AGBL4: variants seen among roughly 807,000 people sequenced by gnomAD.
AGBL4 encodes AGBL carboxypeptidase 4.
Under a neutral mutation model 66.4 loss-of-function variants are expected in AGBL4, and 58 were observed. The observed-to-expected ratio is 0.87, with a 90% CI of 0.71 to 1.09. AGBL4 has a LOEUF of 1.09. Ranked by LOEUF, AGBL4 falls within the 50% of genes least tolerant of loss-of-function variation. AGBL4 has a pLI of 0.00. For synonymous variants in AGBL4, 234 were observed against 222.9 expected, an observed-to-expected ratio of 1.05 and a Z score of -0.44; for missense variants, 579 against 631.0, an observed-to-expected ratio of 0.92 and a Z score of 0.88.
intron 4 of AGBL4, among the ~76,000 whole-genome samples, chr1:49,220,557 T>G (rs937451079): frequency 3.9e-5 from 6 of 152,124 alleles, no homozygotes; most frequent in African/African-American, 1.4e-4. Context: ...AATATTACTT[T>G]TTCTTCCCTT....
chr1:48,745,435 T>C (rs1336815731), intron 6 of AGBL4, among the ~76,000 whole-genome samples: 1 of 152,170 alleles, frequency 6.6e-6, no homozygotes, highest in African/African-American at 2.4e-5. Context: ...GAGGGACAGC[T>C]AACGGACATC....
intron 3 of AGBL4, among the ~76,000 whole-genome samples, chr1:49,350,436 C>T (rs1444560648): frequency 6.6e-6 from 1 of 152,040 alleles, no homozygotes; most frequent in African/African-American, 2.4e-5. Context: ...ATCTCCTGAC[C>T]TCGTGATCCG....
intron 6 of AGBL4, among the ~76,000 whole-genome samples, chr1:48,857,897 T>C (rs1025954758): frequency 6.6e-6 from 1 of 152,110 alleles, no homozygotes; most frequent in Non-Finnish European, 1.5e-5. Context: ...CACATAAAAA[T>C]GTAAGAAAAT....
intron 2 of AGBL4, among the ~76,000 whole-genome samples, chr1:49,730,084 G>T (rs1199347982): frequency 1.3e-5 from 2 of 152,118 alleles, no homozygotes. Flanking sequence ...TTCCAAACCT[G>T]TAAAAACCCT....
chr1:48,879,481 T>TCGTGAACCCGGGAAGCGG (rs1558061098), intron 5 of AGBL4, among the ~76,000 whole-genome samples: 7 of 152,204 alleles, frequency 4.6e-5, no homozygotes, highest in African/African-American at 1.7e-4. Flanking sequence ...AGACAAGAAT[T>TCGTGAACCCGGGAAGCGG]AGAAAAGTGA....
At chr1:48,833,350 T>C (rs983249920) in intron 6 of AGBL4, among the ~76,000 whole-genome samples, 2 of 152,228 alleles carry the variant, frequency 1.3e-5, no homozygotes, top group Non-Finnish European at 2.9e-5. Context: ...AACTGTGTTC[T>C]AGTGTTTTGT....
intron 3 of AGBL4, among the ~76,000 whole-genome samples, chr1:49,567,217 G>A (rs961706475): frequency 6.6e-6 from 1 of 152,224 alleles, no homozygotes; most frequent in Non-Finnish European, 1.5e-5. Flanking sequence ...TCTTTGACTA[G>A]GAAAGGGAAT....
chr1:49,711,330 T>C (rs1194384346), intron 2 of AGBL4, among the ~76,000 whole-genome samples: 3 of 152,094 alleles, frequency 2.0e-5, no homozygotes, highest in African/African-American at 7.2e-5. Flanking sequence ...AGCTGAAAAC[T>C]GGAAACAACC....
chr1:49,971,080 G>T (rs959935879), intron 1 of AGBL4, among the ~76,000 whole-genome samples: 1 of 152,082 alleles, frequency 6.6e-6, no homozygotes, highest in African/African-American at 2.4e-5. Context: ...TAAAATTTTT[G>T]AACACATTAC....
intron 3 of AGBL4, among the ~76,000 whole-genome samples, chr1:49,545,181 C>T (rs142438936): frequency 2.0e-5 from 3 of 152,090 alleles, no homozygotes; most frequent in African/African-American, 7.2e-5. Context: ...CATTATAATT[C>T]CTATCTTGCT....
intron 4 of AGBL4, among the ~76,000 whole-genome samples, chr1:49,115,367 A>G (rs1215041871): frequency 6.6e-6 from 1 of 152,204 alleles, no homozygotes; most frequent in African/African-American, 2.4e-5. Flanking sequence ...TCTATGGTGT[A>G]GTTTTAGGAA....
intron 6 of AGBL4, among the ~76,000 whole-genome samples, chr1:48,853,780 C>G (rs1251838576): frequency 6.6e-6 from 1 of 152,126 alleles, no homozygotes; most frequent in East Asian, 1.9e-4. Context: ...AATTGCACTG[C>G]TTCAGGTCAC....
rs35739038 is a variant in AGBL4 at position 48,758,025 on chromosome 1, G to A, written c.635-94784C>T. On this transcript the variant is annotated intron_variant, in intron 6 of 13. Transcript: ENST00000371839. Reference sequence around the variant, plus strand: ...TCTCTGGTAAGCAGTCATTTCTTCCGGCAGTCAAAGCTGCTGCCTTTCAGG... The same window carrying A: ...TCTCTGGTAAGCAGTCATTTCTTCCAGCAGTCAAAGCTGCTGCCTTTCAGG... Among the ~76,000 whole-genome samples the A allele has an allele frequency of 2.7e-3, 415 of 152,132 alleles. 2 individuals are homozygous for A. Among genetic ancestry groups the A allele is most frequent in the Middle Eastern group, 0.01 (3 of 294 alleles).
rs150656570 is a variant in AGBL4 at position 49,104,165 on chromosome 1, T to C, written c.378-58365A>G. ...CTAAATAGTTCTTATTCTTCAAGGC[T>C]AACCTCAAATGGTTCCTCCTCTGGG... is the stretch of plus-strand genomic sequence containing the variant. On this transcript the variant is annotated intron_variant, in intron 4 of 13. Coordinates refer to ENST00000371839, the MANE Select transcript of AGBL4 (RefSeq NM_032785.4). Among the ~76,000 whole-genome samples, 23 of 152,310 alleles carry C rather than the reference T, an allele frequency of 1.5e-4. No individual in the cohort carries two copies. In the East Asian group the frequency reaches 4.1e-3, roughly 27 times the overall value.
intron 6 of AGBL4, among the ~76,000 whole-genome samples, chr1:48,695,218 C>T (rs1469802376): frequency 6.6e-6 from 1 of 152,206 alleles, no homozygotes; most frequent in African/African-American, 2.4e-5. Flanking sequence ...CAGAGACACA[C>T]AGAGCCCTGA....
chr1:49,443,200 T>A lies in AGBL4; in HGVS notation c.283-197336A>T, dbSNP rs890611016. On this transcript the variant is annotated intron_variant, in intron 3 of 13. Coordinates refer to ENST00000371839, the MANE Select transcript of AGBL4 (RefSeq NM_032785.4). ...AGTCCTTTATCAGATCATTTGCAAA[T>A]ATTTTCTCCTGTTCAGCAAGTTGTC... is the stretch of plus-strand genomic sequence containing the variant. Among the ~76,000 whole-genome samples the A allele has an allele frequency of 3.3e-5, 5 of 152,160 alleles. No homozygotes were observed. In the South Asian group the frequency reaches 1.0e-3, roughly 31 times the overall value.
intron 3 of AGBL4, 126 bp downstream of exon 3, chr1:49,697,187 G>A (rs1300678273): frequency 2.7e-6 from 3 of 1,118,328 alleles, no homozygotes; most frequent in East Asian, 2.8e-5. Context: ...AACCAAAACT[G>A]TATCATTGCT....
chr1:49,401,015 A>C (rs1197666389), intron 3 of AGBL4, among the ~76,000 whole-genome samples: 1 of 152,154 alleles, frequency 6.6e-6, no homozygotes, highest in East Asian at 1.9e-4. Context: ...GGTTTTCTTC[A>C]AGAGAGGATG....
chr1:48,989,546 G>C (rs1660447167), intron 5 of AGBL4, among the ~76,000 whole-genome samples: 1 of 151,348 alleles, frequency 6.6e-6, no homozygotes, highest in Non-Finnish European at 1.5e-5. Context: ...CCAGCCTCTG[G>C]TAACCATCCT....
Sources: gnomAD v4.1 joint callset for allele counts (sites outside exome capture counted in the v4.1 genomes callset) on GRCh38, gnomAD v4.1.1 for gene constraint, MANE v1.5 for transcripts, NCBI Gene and HGNC (gene_info 2026-07-23, HGNC 2026-07-21) for gene names.